PPARGC1A: variants seen among roughly 807,000 people sequenced by gnomAD.
PPARGC1A encodes the protein PPARG coactivator 1 alpha, also known as peroxisome proliferator-activated receptor gamma coactivator 1-alpha.
PPARGC1A carries 25 observed loss-of-function variants against 88.7 expected under a neutral mutation model. The ratio of observed to expected loss-of-function variants is 0.28; its 90% CI spans 0.21 to 0.39. The LOEUF (loss-of-function observed/expected upper bound fraction) is 0.39. Ranked by LOEUF, PPARGC1A falls within the 10% of genes least tolerant of loss-of-function variation. The pLI is 1.00. For synonymous variants in PPARGC1A, 363 were observed against 355.6 expected (o/e 1.02, Z -0.24); for missense variants, 880 against 968.7 (o/e 0.91, Z 1.22).
intron 10 of PPARGC1A, 31 bp from the exon 11 acceptor site, chr4:23,802,376 A>C: frequency 6.2e-7 from 1 of 1,613,440 alleles, no homozygotes; most frequent in Non-Finnish European, 8.5e-7. Flanking sequence ...AGAGTTCTGG[A>C]GTGGGAAAAA....
the PPARGC1A span, among the ~76,000 whole-genome samples, chr4:23,942,564 T>G: frequency 6.6e-6 from 1 of 152,188 alleles, no homozygotes; most frequent in Non-Finnish European, 1.5e-5. Context: ...ACTTCCACAC[T>G]TACTGAATCT....
chr4:23,814,839 A>C (rs890650956), intron 7 of PPARGC1A, among the ~76,000 whole-genome samples: 2 of 152,058 alleles, frequency 1.3e-5, no homozygotes, highest in Non-Finnish European at 2.9e-5. Flanking sequence ...GGAGGCTGTG[A>C]TCTTTTGTAT....
chr4:24,338,301 A>T, the PPARGC1A span, among the ~76,000 whole-genome samples: 1 of 152,150 alleles, frequency 6.6e-6, no homozygotes, highest in Non-Finnish European at 1.5e-5. Context: ...AAAGGCAGAC[A>T]CTTGTGGCCT....
At chr4:24,071,366 G>C in the PPARGC1A span, among the ~76,000 whole-genome samples, 2 of 152,094 alleles carry the variant, frequency 1.3e-5, no homozygotes, top group African/African-American at 4.8e-5. Context: ...AAACTGTCAA[G>C]TATGGAAAGA....
the PPARGC1A span, among the ~76,000 whole-genome samples, chr4:24,293,618 C>T: frequency 5.5e-3 from 641 of 115,608 alleles, 31 homozygotes; most frequent in African/African-American, 0.022. Flanking sequence ...TGTGTTCCTC[C>T]CTATCCCCTC....
chr4:24,193,815 G>A, the PPARGC1A span, among the ~76,000 whole-genome samples: 1 of 152,124 alleles, frequency 6.6e-6, no homozygotes, highest in East Asian at 1.9e-4. Flanking sequence ...GCCTCCTACA[G>A]AGCAGAAACG....
chr4:24,301,741 G>A, the PPARGC1A span, among the ~76,000 whole-genome samples: 1 of 151,880 alleles, frequency 6.6e-6, no homozygotes, highest in Non-Finnish European at 1.5e-5. Context: ...TTATGGGGTA[G>A]AATGTCCTGT....
At chr4:23,895,958 GTGTGTGTGTGTGTGTGTGTGTGTATA>G (rs1238288280) in intron 1 of PPARGC1A, among the ~76,000 whole-genome samples, 69 of 51,950 alleles carry the variant, frequency 1.3e-3, no homozygotes, top group African/African-American at 5.2e-3. Flanking sequence ...GTGTGTGTGT[GTGTGTGTGTGTGTGTGTGTGTGTATA>G]TATATATACA....
At chr4:24,319,603 A>G in the PPARGC1A span, among the ~76,000 whole-genome samples, 1 of 152,238 alleles carries the variant, frequency 6.6e-6, no homozygotes. Flanking sequence ...TTAACATAAC[A>G]CAGTGAGTTT....
At chr4:24,210,561 G>A in the PPARGC1A span, among the ~76,000 whole-genome samples, 2 of 152,164 alleles carry the variant, frequency 1.3e-5, no homozygotes, top group Non-Finnish European at 2.9e-5. Flanking sequence ...TTGATTCACA[G>A]TCTGTGAAAA....
chr4:24,365,545 C>T, the PPARGC1A span, among the ~76,000 whole-genome samples: 3 of 152,206 alleles, frequency 2.0e-5, no homozygotes, highest in South Asian at 2.1e-4. Flanking sequence ...TGTATATTCC[C>T]CAAAGCAATT....
chr4:23,931,693 C>T, the PPARGC1A span, among the ~76,000 whole-genome samples: 5 of 152,062 alleles, frequency 3.3e-5, no homozygotes, highest in Admixed American at 6.5e-5. Context: ...TTATTATCCT[C>T]GGCAGTAAAA....
At chr4:24,022,467 A>C in the PPARGC1A span, among the ~76,000 whole-genome samples, 11 of 152,146 alleles carry the variant, frequency 7.2e-5, no homozygotes, top group African/African-American at 2.7e-4. Flanking sequence ...ACTGTGATGT[A>C]AGTGCCACGG....
the PPARGC1A span, among the ~76,000 whole-genome samples, chr4:24,064,299 G>T: frequency 1.3e-5 from 2 of 152,200 alleles, no homozygotes; most frequent in Non-Finnish European, 1.5e-5. Flanking sequence ...GCAAGTGGGT[G>T]CCTGTACACC....
the PPARGC1A span, among the ~76,000 whole-genome samples, chr4:24,361,532 C>T: frequency 4.6e-5 from 7 of 152,204 alleles, no homozygotes; most frequent in African/African-American, 1.7e-4. Flanking sequence ...TCTCCAGCCA[C>T]ATTGCTTTAT....
chr4:24,009,674 G>T, the PPARGC1A span, among the ~76,000 whole-genome samples: 1 of 152,192 alleles, frequency 6.6e-6, no homozygotes, highest in African/African-American at 2.4e-5. Flanking sequence ...GGTGCAGCTT[G>T]ACTGGAGGGA....
the PPARGC1A span, among the ~76,000 whole-genome samples, chr4:24,437,080 G>A: frequency 1.3e-5 from 2 of 152,248 alleles, no homozygotes; most frequent in Admixed American, 1.3e-4. Flanking sequence ...AAAGTCACAA[G>A]TTCTCCCTTT....
At chr4:23,849,963 T>C (rs1293266556) in intron 2 of PPARGC1A, among the ~76,000 whole-genome samples, 1 of 149,350 alleles carries the variant, frequency 6.7e-6, no homozygotes, top group Non-Finnish European at 1.5e-5. Flanking sequence ...AAATGTTGAA[T>C]GAAGGAAAAA....
chr4:23,895,159 G>GAAAA (rs773200297), intron 1 of PPARGC1A, among the ~76,000 whole-genome samples: 2 of 53,584 alleles, frequency 3.7e-5, no homozygotes, highest in African/African-American at 6.1e-5. Context: ...TTGTTTAACT[G>GAAAA]AAAAAAAAAA....
Sources: gnomAD v4.1 joint callset for allele counts (sites outside exome capture counted in the v4.1 genomes callset) on GRCh38, gnomAD v4.1.1 for gene constraint, MANE v1.5 for transcripts, NCBI Gene and HGNC (gene_info 2026-07-23, HGNC 2026-07-21) for gene names.